The following BCKDHB variants were observed in gnomAD, a reference collection of about 807,000 sequenced individuals.
The protein encoded by BCKDHB is 2-oxoisovalerate dehydrogenase subunit beta, mitochondrial.
In BCKDHB, 41 loss-of-function variants were observed where a neutral mutation model predicts 48.5. The ratio of observed to expected loss-of-function variants is 0.85; its 90% CI spans 0.66 to 1.10. The LOEUF is 1.10. Among genes scored for constraint, BCKDHB ranks in the 50% least tolerant of loss-of-function variants. BCKDHB has a pLI of 0.00. For missense variants in BCKDHB, 496 were observed against 494.2 expected, an observed-to-expected ratio of 1.00 and a Z score of -0.03; for synonymous variants, 201 against 174.8, an observed-to-expected ratio of 1.15 and a Z score of -1.18.
At chr6:80,395,413 G>C in the BCKDHB span, among the ~76,000 whole-genome samples, 2 of 152,190 alleles carry the variant, frequency 1.3e-5, no homozygotes, top group South Asian at 4.1e-4. Context: ...ATGGAGAAGG[G>C]AACTTGTTGG....
chr6:80,291,541 G>T (rs1440472211), intron 9 of BCKDHB, among the ~76,000 whole-genome samples: 1 of 152,174 alleles, frequency 6.6e-6, no homozygotes, highest in African/African-American at 2.4e-5. Flanking sequence ...TAAATAAGAA[G>T]GTTTTCCATG....
At chr6:80,125,208 C>T (rs938819870) in intron 1 of BCKDHB, among the ~76,000 whole-genome samples, 3 of 152,140 alleles carry the variant, frequency 2.0e-5, no homozygotes, top group Admixed American at 6.6e-5. Flanking sequence ...TCTTAAACCT[C>T]ATGAACCAAG....
chr6:80,259,659 T>C (rs56220877), intron 8 of BCKDHB, among the ~76,000 whole-genome samples: 3,000 of 152,326 alleles, frequency 0.02, 92 homozygotes, highest in African/African-American at 0.068. Context: ...AGAATAATGA[T>C]ACCCTAACAT....
chr6:80,403,602 C>T, the BCKDHB span, among the ~76,000 whole-genome samples: 1 of 151,874 alleles, frequency 6.6e-6, no homozygotes. Flanking sequence ...CTGACTAAAA[C>T]TTCCAGTACC....
In BCKDHB at chr6:80,232,206, A is replaced by G. The variant is rs917001567; in HGVS notation, c.951+28994A>G. ...TATTATAGTGGCTCTTTTCTCCTTT[A>G]CTGGTAGACTGTCACCTGTCACTTC... On this transcript the variant is annotated intron_variant, in intron 8 of 9. Coordinates refer to ENST00000320393, the MANE Select transcript of BCKDHB (RefSeq NM_183050.4). 2.6e-5 allele frequency among the ~76,000 whole-genome samples: 4 copies of G among 151,764 alleles called. No homozygotes were observed. In the South Asian group the frequency reaches 8.3e-4, roughly 32 times the overall value.
chr6:80,201,430 C>T (rs74373218), intron 7 of BCKDHB, among the ~76,000 whole-genome samples: 2,955 of 152,106 alleles, frequency 0.019, 95 homozygotes, highest in African/African-American at 0.067. Flanking sequence ...GTCTGTGGTA[C>T]GGATTTCTGA....
chr6:80,240,432 G>C (rs564753093), intron 8 of BCKDHB, among the ~76,000 whole-genome samples: 7 of 152,108 alleles, frequency 4.6e-5, no homozygotes, highest in Non-Finnish European at 8.8e-5. Flanking sequence ...TGAAGCAATT[G>C]TGAATGGGAG....
At chr6:80,188,544 T>G (rs1044686685) in intron 6 of BCKDHB, among the ~76,000 whole-genome samples, 7 of 151,958 alleles carry the variant, frequency 4.6e-5, no homozygotes, top group African/African-American at 1.7e-4. Flanking sequence ...GAGGTTGAGA[T>G]GGGAAGATCA....
chr6:80,111,256 G>A (rs949167438), intron 1 of BCKDHB, among the ~76,000 whole-genome samples: 6 of 152,126 alleles, frequency 3.9e-5, no homozygotes, highest in Non-Finnish European at 5.9e-5. Context: ...TGCCCATGAC[G>A]TCCAGAGTTA....
intron 9 of BCKDHB, among the ~76,000 whole-genome samples, chr6:80,335,009 C>T (rs534081776): frequency 2.6e-5 from 4 of 151,676 alleles, no homozygotes; most frequent in Non-Finnish European, 2.9e-5. Context: ...CTGGTAGTTT[C>T]GTTTTGTAAT....
At chr6:80,135,517 A>C (rs1308879556) in intron 3 of BCKDHB, among the ~76,000 whole-genome samples, 1 of 152,158 alleles carries the variant, frequency 6.6e-6, no homozygotes, top group Non-Finnish European at 1.5e-5. Context: ...ATATTTTTAA[A>C]GGATTGTTAG....
At chr6:80,457,419 C>T in the BCKDHB span, among the ~76,000 whole-genome samples, 2 of 152,190 alleles carry the variant, frequency 1.3e-5, no homozygotes, top group Admixed American at 1.3e-4. Flanking sequence ...CAGAACTCAC[C>T]TCCTCTGCAA....
chr6:80,357,733 G>A, the BCKDHB span, among the ~76,000 whole-genome samples: 2 of 152,190 alleles, frequency 1.3e-5, no homozygotes, highest in African/African-American at 4.8e-5. Flanking sequence ...ATTTATGGCT[G>A]TGTCCATACA....
At chr6:80,367,651 T>C in the BCKDHB span, among the ~76,000 whole-genome samples, 2 of 152,260 alleles carry the variant, frequency 1.3e-5, no homozygotes, top group Admixed American at 1.3e-4. Context: ...CACCAACAAG[T>C]TCTGGTTTGA....
In BCKDHB at chr6:80,344,348, A is replaced by ATTTTT; in HGVS notation, c.*556_*560dup. ...AACATATCTAGCATATGTATATGTG[A>ATTTTT]TTTTTTTTTTTTTTTTGAGACCGAG... is the stretch of plus-strand genomic sequence containing the variant. On this transcript the variant is annotated 3_prime_UTR_variant, in exon 10 of 10. Coordinates refer to ENST00000320393, the MANE Select transcript of BCKDHB (RefSeq NM_183050.4). 1 of 140,186 alleles carries ATTTTT rather than the reference A, an allele frequency of 7.1e-6. No individual in the cohort carries two copies. Among genetic ancestry groups the ATTTTT allele is most frequent in the South Asian group, 2.2e-4 (1 of 4,518 alleles). 8.7% of individuals were successfully genotyped at this position (140,186 alleles called of 1,614,324 possible).
intron 9 of BCKDHB, among the ~76,000 whole-genome samples, chr6:80,324,256 A>T (rs900201334): frequency 5.3e-5 from 8 of 152,300 alleles, no homozygotes; most frequent in South Asian, 4.1e-4. Flanking sequence ...TGATACCGTG[A>T]CCATACCCAA....
chr6:80,140,523 A>G (rs1267907905), intron 3 of BCKDHB, among the ~76,000 whole-genome samples: 2 of 152,098 alleles, frequency 1.3e-5, no homozygotes, highest in Non-Finnish European at 2.9e-5. Context: ...AGGGTTGTTG[A>G]ATTTTGTCAA....
chr6:80,110,236 G>A (rs758166491), intron 1 of BCKDHB, among the ~76,000 whole-genome samples: 1 of 152,158 alleles, frequency 6.6e-6, no homozygotes, highest in Non-Finnish European at 1.5e-5. Flanking sequence ...ATGGATGTGA[G>A]TTTGTTTATT....
At chr6:80,274,763 A>G (rs1338580502) in intron 9 of BCKDHB, among the ~76,000 whole-genome samples, 2 of 152,036 alleles carry the variant, frequency 1.3e-5, no homozygotes, top group Admixed American at 6.6e-5. Flanking sequence ...TCTGTAAGTT[A>G]TTGGTAGACT....
Sources: gnomAD v4.1 joint callset for allele counts (sites outside exome capture counted in the v4.1 genomes callset) on GRCh38, gnomAD v4.1.1 for gene constraint, MANE v1.5 for transcripts, NCBI Gene and HGNC (gene_info 2026-07-23, HGNC 2026-07-21) for gene names.